EML1: variants seen among roughly 807,000 people sequenced by gnomAD.
EML1 encodes EMAP like 1.
Under a neutral mutation model 110.4 loss-of-function variants are expected in EML1, and 27 were observed. The ratio of observed to expected loss-of-function variants is 0.24; its 90% CI spans 0.18 to 0.34. EML1 has a LOEUF of 0.34. EML1 is among the 10% of genes least tolerant of loss of function. The pLI, the probability that EML1 is intolerant of heterozygous loss-of-function variation, is 1.00. For missense variants in EML1, 741 were observed against 1,030.9 expected, an observed-to-expected ratio of 0.72 and a Z score of 3.85; for synonymous variants, 344 against 385.8, an observed-to-expected ratio of 0.89 and a Z score of 1.27.
At chr14:99,814,844 G>A (rs966134347) in intron 1 of EML1, among the ~76,000 whole-genome samples, 22 of 151,978 alleles carry the variant, frequency 1.4e-4, no homozygotes, top group African/African-American at 3.9e-4. Flanking sequence ...TTCTTACAGC[G>A]ACCTCGTGCC....
chr14:99,809,863 C>T (rs2058045502), intron 1 of EML1, among the ~76,000 whole-genome samples: 1 of 152,170 alleles, frequency 6.6e-6, no homozygotes, highest in African/African-American at 2.4e-5. Context: ...CTAGGCCCTT[C>T]TGGGATATTG....
chr14:99,878,940 GCA>G (rs1344774134), intron 4 of EML1, among the ~76,000 whole-genome samples: 2 of 152,158 alleles, frequency 1.3e-5, no homozygotes, highest in Non-Finnish European at 2.9e-5. Flanking sequence ...TTCTACCTGA[GCA>G]CCTTCGATTT....
At position 99,939,951 on chromosome 14, in the gene EML1, A is replaced by G. The variant is rs774505123; in HGVS notation, c.2323-36A>G. The G allele has an allele frequency of 4.7e-6, 7 of 1,503,762 alleles. No homozygotes were observed. Among genetic ancestry groups the G allele is most frequent in the South Asian group, 1.3e-5 (1 of 74,104 alleles). The allele number at this position is 1,503,762 out of a possible 1,614,324, so 93.2% of individuals were successfully genotyped here. A position where few individuals can be genotyped will look rare whatever the true frequency, so the allele number is the denominator to read the frequency against. On this transcript the variant is annotated intron_variant, in intron 21 of 21. Coordinates refer to ENST00000262233, the MANE Select transcript of EML1 (RefSeq NM_004434.3). The surrounding 1 kb of genome is among the most constrained non-coding windows in gnomAD (Gnocchi z 4.2). ...TCCCATCCCAGATGGTTCGCCTTGT[A>G]GTAAAGGAAGCTTTCCCCCGTATCA... is the stretch of plus-strand genomic sequence containing the variant.
chr14:99,815,901 A>AAATCTGACAGGGGTAAG (rs774025422), intron 1 of EML1, among the ~76,000 whole-genome samples: 1 of 152,186 alleles, frequency 6.6e-6, no homozygotes, highest in African/African-American at 2.4e-5. Flanking sequence ...TGGAAGATAG[A>AAATCTGACAGGGGTAAG]AATCTGACAG....
At chr14:99,805,143 C>T (rs1004401644) in intron 1 of EML1, among the ~76,000 whole-genome samples, 1 of 152,178 alleles carries the variant, frequency 6.6e-6, no homozygotes, top group Non-Finnish European at 1.5e-5. Flanking sequence ...CACTGGGTGC[C>T]CCTTAGGCCC....
intron 1 of EML1, among the ~76,000 whole-genome samples, chr14:99,755,287 G>A (rs1210113559): frequency 6.6e-6 from 1 of 152,220 alleles, no homozygotes; most frequent in Non-Finnish European, 1.5e-5. Context: ...GGGGCCTGGA[G>A]GCCCCGGGGA....
chr14:99,762,926 C>A (rs2057329824), intron 1 of EML1, among the ~76,000 whole-genome samples: 1 of 152,190 alleles, frequency 6.6e-6, no homozygotes, highest in East Asian at 1.9e-4. Context: ...CTGAATAACA[C>A]CCCTACGTAT....
Position 99,822,826 on chromosome 14 carries a change from C to A in EML1, c.68-28027C>A, listed in dbSNP as rs1236441017. On this transcript the variant is annotated intron_variant, in intron 1 of 21. Coordinates refer to ENST00000262233, the MANE Select transcript of EML1 (RefSeq NM_004434.3). ...CTTTGCCAGCCAAAGCCACACTCCT[C>A]CTTTCTTCAGTTGCGTTTCTTATTT... Among the ~76,000 whole-genome samples the A allele has an allele frequency of 3.3e-5, 5 of 152,322 alleles. 1 individual carries two copies. Among genetic ancestry groups the A allele is most frequent in the Admixed American group, 3.3e-4 (5 of 15,302 alleles).
intron 2 of EML1, among the ~76,000 whole-genome samples, chr14:99,857,787 C>T: frequency 6.6e-6 from 1 of 152,190 alleles, no homozygotes; most frequent in Non-Finnish European, 1.5e-5. Context: ...CCACTGGATG[C>T]AACATTTTGT....
At chr14:99,864,292 G>A (rs1182262677) in intron 2 of EML1, among the ~76,000 whole-genome samples, 1 of 152,066 alleles carries the variant, frequency 6.6e-6, no homozygotes, top group East Asian at 1.9e-4. Context: ...TCTATGCCTT[G>A]TATTTTAATC....
intron 17 of EML1, among the ~76,000 whole-genome samples, chr14:99,926,383 C>G (rs2060234474): frequency 6.6e-6 from 1 of 151,560 alleles, no homozygotes; most frequent in South Asian, 2.1e-4. Context: ...CTCCCAGATT[C>G]AAGCAATTCT....
intron 1 of EML1, among the ~76,000 whole-genome samples, chr14:99,808,894 C>T (rs1257679293): frequency 6.6e-6 from 1 of 152,164 alleles, no homozygotes; most frequent in Non-Finnish European, 1.5e-5. Flanking sequence ...CAACCAAACT[C>T]TAAGGTAAGT....
upstream of EML1, among the ~76,000 whole-genome samples, chr14:99,769,337 C>G (rs551855995): frequency 2.0e-5 from 3 of 152,318 alleles, no homozygotes; most frequent in South Asian, 6.2e-4. Flanking sequence ...ATCATTTTCT[C>G]CCATCACAGG....
At chr14:99,938,628 C>T (rs1016608712) in intron 20 of EML1, among the ~76,000 whole-genome samples, 5 of 152,136 alleles carry the variant, frequency 3.3e-5, no homozygotes. Flanking sequence ...GTCCCCCACC[C>T]ACCCATTCTC....
At chr14:99,788,593 C>T (rs376169955), upstream of EML1, among the ~76,000 whole-genome samples, 28 of 152,144 alleles carry the variant, frequency 1.8e-4, 1 homozygote, top group African/African-American at 5.8e-4. Flanking sequence ...GCACTCCAAC[C>T]TGGGCAACAC....
chr14:99,802,276 G>C (rs1331832721), intron 1 of EML1, among the ~76,000 whole-genome samples: 1 of 152,158 alleles, frequency 6.6e-6, no homozygotes, highest in Non-Finnish European at 1.5e-5. Context: ...GTGTTTTGGG[G>C]ACATGGTAAG....
At chr14:99,776,787 C>T (rs896916040) in intron 1 of EML1, among the ~76,000 whole-genome samples, 5 of 152,170 alleles carry the variant, frequency 3.3e-5, no homozygotes, top group South Asian at 2.1e-4. Flanking sequence ...CCTACAGCCA[C>T]GTCGATTTCT....
intron 1 of EML1, among the ~76,000 whole-genome samples, chr14:99,808,448 A>G (rs1317533408): frequency 2.6e-5 from 4 of 152,234 alleles, no homozygotes; most frequent in African/African-American, 9.6e-5. Flanking sequence ...ATAAAATAAC[A>G]CACAGTCATA....
At chr14:99,758,941 TG>T (rs2057285853) in intron 1 of EML1, among the ~76,000 whole-genome samples, 1 of 152,242 alleles carries the variant, frequency 6.6e-6, no homozygotes, top group South Asian at 2.1e-4. Context: ...ATGGCCATGC[TG>T]GCAGGTCTAG....
Sources: gnomAD v4.1 joint callset for allele counts (sites outside exome capture counted in the v4.1 genomes callset) on GRCh38, gnomAD v4.1.1 for gene constraint, Gnocchi (gnomAD v3.1) non-coding constraint, MANE v1.5 for transcripts, NCBI Gene and HGNC (gene_info 2026-07-23, HGNC 2026-07-21) for gene names.